WDR72: variants seen among roughly 807,000 people sequenced by gnomAD.
WDR72 encodes WD repeat-containing protein 72.
In WDR72, 120 loss-of-function variants were observed where a neutral mutation model predicts 124.2. That is an observed-to-expected ratio of 0.97 (90% confidence interval 0.83 to 1.12). The LOEUF is 1.12. WDR72 is among the 50% of genes most tolerant of loss of function. The probability of loss-of-function intolerance (pLI) is 0.00; values close to 1 mark genes in which losing one functional copy is unlikely to be tolerated. For missense variants in WDR72, 1,387 were observed against 1,278.8 expected (o/e 1.08, Z -1.29); for synonymous variants, 452 against 441.7 (o/e 1.02, Z -0.29).
At chr15:53,611,957 T>C (rs1432190123) in intron 16 of WDR72, among the ~76,000 whole-genome samples, 2 of 152,124 alleles carry the variant, frequency 1.3e-5, no homozygotes, top group African/African-American at 4.8e-5. Flanking sequence ...CCCCATCCTA[T>C]GGATCATATG....
At chr15:53,523,160 C>T in intron 19 of WDR72, 58 bp downstream of exon 19, 1 of 1,539,364 alleles carries the variant, frequency 6.5e-7, no homozygotes, top group Non-Finnish European at 9.0e-7. Context: ...CTTCCAAGGA[C>T]CCCAAAGCTG....
intron 3 of WDR72, among the ~76,000 whole-genome samples, chr15:53,722,363 G>T (rs775746711): frequency 6.6e-5 from 10 of 152,166 alleles, no homozygotes; most frequent in Non-Finnish European, 1.2e-4. Context: ...ATCAGACAAG[G>T]GTACAACATG....
chr15:53,743,897 C>T (rs1475100443), intron 1 of WDR72, among the ~76,000 whole-genome samples: 1 of 151,764 alleles, frequency 6.6e-6, no homozygotes, highest in Admixed American at 6.6e-5. Flanking sequence ...ATGGCGTGAA[C>T]CCGGGAGGCG....
At position 53,706,071 on chromosome 15, in the gene WDR72, G is replaced by T. The variant is rs2017345294; in HGVS notation, c.958C>A (p.Gln320Lys). The T allele has an allele frequency of 2.5e-6, 4 of 1,613,796 alleles. No individual in the cohort carries two copies. The highest frequency in any genetic ancestry group is 3.4e-6 in the Non-Finnish European group (4 of 1,179,936). ...TAGCCCATAACAAAGGGACGGCTCT[G>T]TTCCTAAACAAAAAGTGAGCTTTTA... Reference protein sequence around the residue: ...CSTSVQENKEQSRPFVMGYMN... With the variant: ...CSTSVQENKEKSRPFVMGYMN... The change falls in exon 10 of 20, where the codon CAG becomes AAG. Residue 320 changes from glutamine to lysine, a missense_variant. Physicochemically the swap from Gln to Lys is moderately conservative, Grantham distance 53. Coordinates refer to ENST00000360509, the MANE Select transcript of WDR72 (RefSeq NM_182758.4).
At position 53,514,777 on chromosome 15, in the gene WDR72, T is replaced by A. The variant is rs1367609051; in HGVS notation, c.*2922A>T. Reference sequence around the variant, plus strand: ...TGCTCACATTGCTTTCTAGCACCTCTGGATGAGCCCTGTGAGAAAGCTCTC... The same window carrying A: ...TGCTCACATTGCTTTCTAGCACCTCAGGATGAGCCCTGTGAGAAAGCTCTC... On this transcript the variant is annotated 3_prime_UTR_variant, in exon 20 of 20. Transcript: ENST00000360509. 2 of 151,948 alleles carry A rather than the reference T, an allele frequency of 1.3e-5. No homozygotes were observed. The highest frequency in any genetic ancestry group is 2.9e-5 in the Non-Finnish European group (2 of 67,994). 9.4% of individuals were successfully genotyped at this position (151,948 alleles called of 1,614,324 possible).
At chr15:53,558,733 T>C (rs1312804604) in intron 18 of WDR72, among the ~76,000 whole-genome samples, 4 of 152,032 alleles carry the variant, frequency 2.6e-5, no homozygotes, top group Non-Finnish European at 5.9e-5. Context: ...AGATGATTTC[T>C]TGATTTTATT....
intron 18 of WDR72, among the ~76,000 whole-genome samples, chr15:53,554,781 T>G (rs1353226535): frequency 6.6e-6 from 1 of 152,158 alleles, no homozygotes; most frequent in Non-Finnish European, 1.5e-5. Context: ...TTGTCCCGTC[T>G]ACACACTTCA....
At chr15:53,737,103 G>A (rs1229976045) in intron 1 of WDR72, among the ~76,000 whole-genome samples, 1 of 151,368 alleles carries the variant, frequency 6.6e-6, no homozygotes, top group Non-Finnish European at 1.5e-5. Flanking sequence ...ATAGCAATGA[G>A]CTTACATAGC....
At chr15:53,706,400 ATGTGTACACAT>A (rs2017378936) in intron 9 of WDR72, among the ~76,000 whole-genome samples, 1 of 59,822 alleles carries the variant, frequency 1.7e-5, no homozygotes, top group Non-Finnish European at 5.3e-5. Context: ...ATATATGGCT[ATGTGTACACAT>A]TACTGCAAGG....
chr15:53,759,301 C>A (rs1231575412), intron 1 of WDR72: 4 of 152,184 alleles, frequency 2.6e-5, no homozygotes, highest in Admixed American at 1.3e-4. Flanking sequence ...GGTCCCTAAC[C>A]GTATCTGGGG....
intron 18 of WDR72, among the ~76,000 whole-genome samples, chr15:53,548,898 A>C (rs1893607244): frequency 6.6e-6 from 1 of 152,078 alleles, no homozygotes; most frequent in African/African-American, 2.4e-5. Flanking sequence ...TTTTTTGTTC[A>C]TCTTCTTTAT....
chr15:53,661,439 T>C (rs942423658), intron 14 of WDR72, among the ~76,000 whole-genome samples: 1 of 152,146 alleles, frequency 6.6e-6, no homozygotes, highest in Non-Finnish European at 1.5e-5. Flanking sequence ...ATAGAGCTCA[T>C]GTACTCCCAT....
At chr15:53,576,306 T>C (rs1382549472) in intron 18 of WDR72, among the ~76,000 whole-genome samples, 1 of 152,140 alleles carries the variant, frequency 6.6e-6, no homozygotes, top group Admixed American at 6.6e-5. Flanking sequence ...GTTTCAGCTG[T>C]TAGCATCTTT....
intron 13 of WDR72, among the ~76,000 whole-genome samples, chr15:53,694,973 T>C (rs1387055021): frequency 3.3e-5 from 5 of 152,212 alleles, no homozygotes; most frequent in Non-Finnish European, 7.3e-5. Context: ...CTCCTTTATG[T>C]AGTGTCTATG....
At chr15:53,673,279 T>A (rs953055220) in intron 13 of WDR72, among the ~76,000 whole-genome samples, 1 of 152,060 alleles carries the variant, frequency 6.6e-6, no homozygotes, top group African/African-American at 2.4e-5. Flanking sequence ...CCACTAAGTC[T>A]ATGAAAAAAA....
intron 9 of WDR72, 73 bp downstream of exon 9, chr15:53,710,784 G>GA (rs2017510214): frequency 4.8e-6 from 6 of 1,255,296 alleles, no homozygotes; most frequent in Non-Finnish European, 7.0e-6. Flanking sequence ...CTGATTCTGT[G>GA]ACAGACAAAG....
intron 18 of WDR72, among the ~76,000 whole-genome samples, chr15:53,553,984 T>C (rs938838076): frequency 6.6e-6 from 1 of 152,194 alleles, no homozygotes; most frequent in Non-Finnish European, 1.5e-5. Context: ...GTAAACTTGG[T>C]AAATGTTTAC....
At chr15:53,665,314 C>T (rs1163387761) in intron 14 of WDR72, among the ~76,000 whole-genome samples, 3 of 151,998 alleles carry the variant, frequency 2.0e-5, no homozygotes, top group African/African-American at 7.3e-5. Flanking sequence ...TATGTTAAAT[C>T]ACCTAGGATT....
intron 13 of WDR72, among the ~76,000 whole-genome samples, chr15:53,680,316 G>A (rs2016336570): frequency 6.6e-6 from 1 of 152,170 alleles, no homozygotes; most frequent in South Asian, 2.1e-4. Context: ...AGATCATAAT[G>A]TACTAACAAT....
Sources: gnomAD v4.1 joint callset for allele counts (sites outside exome capture counted in the v4.1 genomes callset) on GRCh38, gnomAD v4.1.1 for gene constraint, MANE v1.5 for transcripts, NCBI Gene and HGNC (gene_info 2026-07-23, HGNC 2026-07-21) for gene names.